Variants in RPL6 observed in about 807,000 individuals in gnomAD.
RPL6 encodes ribosomal protein L6, also known as large ribosomal subunit protein eL6.
Under a neutral mutation model 32.1 loss-of-function variants are expected in RPL6, and 1 was observed. The observed-to-expected ratio is 0.03, with a 90% CI of 0.01 to 0.15. The LOEUF (loss-of-function observed/expected upper bound fraction) is 0.15, where lower values mean the gene tolerates loss of function less well. Ranked by LOEUF, RPL6 falls within the 10% of genes least tolerant of loss-of-function variation. The pLI is 1.00. For synonymous variants in RPL6, 126 were observed against 131.6 expected (o/e 0.96, Z 0.29); for missense variants, 275 against 354.6 (o/e 0.78, Z 1.80).
chr12:112,408,673 G>C lies in RPL6; in HGVS notation c.1-17C>G. ...ACCCGCCATCTAAAAATATTTTTTT[G>C]TAGATAAAAAAAGGCATTTCACCAG... On this transcript the variant is annotated splice_polypyrimidine_tract_variant and intron_variant, in intron 1 of 6. Coordinates refer to ENST00000202773, the MANE Select transcript of RPL6 (RefSeq NM_000970.6). 8 of 1,554,102 alleles carry C rather than the reference G, an allele frequency of 5.1e-6. No individual in the cohort carries two copies. The highest frequency in any genetic ancestry group is 2.2e-5 in the East Asian group (1 of 44,694).
Position 112,406,002 on chromosome 12 carries a change from T to C in RPL6, c.565A>G (p.Thr189Ala). The part of the protein sequence containing the change: ...LVLNRVPLRR[T>A]HQKFVIATST... ...GTGGCAATGACAAATTTCTGGTGTG[T>C]TCTTCGTAGAGGAACTCGATTGAGG... is the stretch of plus-strand genomic sequence containing the variant. The change falls in exon 6 of 7, where the codon ACA (threonine) becomes GCA (alanine). Residue 189 changes from threonine (T) to alanine (A), a missense_variant. By Grantham distance (58) the Thr-to-Ala change is moderately conservative. Coordinates refer to ENST00000202773, the MANE Select transcript of RPL6 (RefSeq NM_000970.6). The C allele has an allele frequency of 6.2e-7, 1 of 1,614,046 alleles. No homozygotes were observed.
chr12:112,413,687 C>T (rs1232611043), upstream of RPL6, among the ~76,000 whole-genome samples: 1 of 151,608 alleles, frequency 6.6e-6, no homozygotes, highest in East Asian at 1.9e-4. Context: ...CTACCATGCC[C>T]GGCCATATAA....
chr12:112,415,481 G>A (rs1030429506), intron 1 of RPL6, among the ~76,000 whole-genome samples: 8 of 152,146 alleles, frequency 5.3e-5, no homozygotes, highest in African/African-American at 1.9e-4. Flanking sequence ...GGGAGGCTGA[G>A]GTGGGTGGAT....
upstream of RPL6, among the ~76,000 whole-genome samples, chr12:112,415,187 G>C (rs2037390724): frequency 6.6e-6 from 1 of 152,210 alleles, no homozygotes; most frequent in South Asian, 2.1e-4. Context: ...ATGGCATATT[G>C]AGGGGAGCTG....
upstream of RPL6, among the ~76,000 whole-genome samples, chr12:112,411,892 T>G (rs527814217): frequency 4.4e-4 from 67 of 152,186 alleles, 1 homozygote; most frequent in South Asian, 0.013. Flanking sequence ...TTTTTTTTTT[T>G]TTTCTGAGAT....
chr12:112,409,056 T>C (rs760409983), intron 1 of RPL6: 10 of 237,838 alleles, frequency 4.2e-5, no homozygotes, highest in Non-Finnish European at 7.2e-5. Flanking sequence ...GTACCTTTCG[T>C]CTTAACCCTT....
intron 1 of RPL6, chr12:112,418,601 A>T (rs116434828): frequency 4.1e-6 from 1 of 246,830 alleles, no homozygotes; most frequent in African/African-American, 2.2e-5. Flanking sequence ...CGGAGACAGT[A>T]GGTAATTTCC....
intron 3 of RPL6, 149 bp downstream of exon 3, chr12:112,408,091 T>C: frequency 1.6e-6 from 1 of 626,142 alleles, no homozygotes; most frequent in South Asian, 2.0e-5. Flanking sequence ...TAACAGTAAA[T>C]GTTGAAGCCA....
At position 112,408,258 on chromosome 12, in the gene RPL6, C is replaced by T. The variant is rs1401465027; in HGVS notation, c.318G>A (p.Val106=). The T allele has an allele frequency of 6.2e-7, 1 of 1,613,862 alleles. No homozygotes were observed. Among genetic ancestry groups the T allele is most frequent in the Non-Finnish European group, 8.5e-7 (1 of 1,179,902 alleles). ...VGGDKNGGTR[V]VKLRKMPRYY... is the part of the protein sequence containing the mutation. ...ATCTTACCATTTTGCGAAGTTTAAC[C>T]ACCCGGGTACCGCCGTTCTTGTCAC... The change falls in exon 3 of 7, where the codon GTG becomes GTA. Residue 106 remains valine, a synonymous_variant. Transcript: ENST00000202773.
At position 112,408,270 on chromosome 12, in the gene RPL6, G is replaced by T. The variant is rs775126537; in HGVS notation, c.306C>A (p.Gly102=). 6.2e-7 allele frequency: 1 copy of T among 1,613,978 alleles called. No homozygotes were observed. Among genetic ancestry groups the T allele is most frequent in the African/African-American group, 1.3e-5 (1 of 74,900 alleles). The stretch of plus-strand genomic sequence containing the variant: ...TGCGAAGTTTAACCACCCGGGTACC[G>T]CCGTTCTTGTCACCACCAACTGGTT... ...VTKPVGGDKN[G]GTRVVKLRKM... is the part of the protein sequence containing the mutation. The change falls in exon 3 of 7, where the codon GGC becomes GGA. Residue 102 remains glycine (G), a synonymous_variant. Transcript: ENST00000202773.
rs779428137 is a variant in RPL6, at chr12:112,408,402, G to A, written c.237+18C>T. The stretch of plus-strand genomic sequence containing the variant: ...AATTAAGGTTAAGACATAATGGTCC[G>A]TGGTCCTCTTCCCTTACCTTGGATT... On this transcript the variant is annotated intron_variant, in intron 2 of 6. Coordinates refer to ENST00000202773, the MANE Select transcript of RPL6 (RefSeq NM_000970.6). 2 of 1,613,446 alleles carry A rather than the reference G, an allele frequency of 1.2e-6. No individual in the cohort carries two copies. Among genetic ancestry groups the A allele is most frequent in the East Asian group, 4.5e-5 (2 of 44,880 alleles).
At chr12:112,407,327 G>C (rs1312590455) in intron 3 of RPL6, 1 of 159,840 alleles carries the variant, frequency 6.3e-6, no homozygotes, top group Non-Finnish European at 1.4e-5. Flanking sequence ...AAAACAAATT[G>C]CATAAAGCCA....
chr12:112,414,506 A>G (rs1449012559), upstream of RPL6, among the ~76,000 whole-genome samples: 1 of 152,208 alleles, frequency 6.6e-6, no homozygotes, highest in Admixed American at 6.5e-5. Flanking sequence ...AGTATTTCAC[A>G]AACCTATCCT....
In RPL6 at chr12:112,405,959, A is replaced by G. The variant is rs1437220099; in HGVS notation, c.608T>C (p.Ile203Thr). The G allele has an allele frequency of 1.9e-6, 3 of 1,614,110 alleles. No individual in the cohort carries two copies. Among genetic ancestry groups the G allele is most frequent in the Admixed American group, 1.7e-5 (1 of 60,004 alleles). The part of the protein sequence containing the change: ...FVIATSTKID[I>T]SNVKIPKHLT... Reference sequence around the variant, plus strand: ...ATGTTTTGGGATTTTTACATTGCTGATATCGATTTTGGTTGAAGTGGCAAT... The same window carrying G: ...ATGTTTTGGGATTTTTACATTGCTGGTATCGATTTTGGTTGAAGTGGCAAT... Residue 203 changes from isoleucine (I) to threonine (T), a missense_variant, in exon 6 of 7, where the codon ATC becomes ACC. Transcript: ENST00000202773.
Sources: gnomAD v4.1 joint callset for allele counts (sites outside exome capture counted in the v4.1 genomes callset) on GRCh38, gnomAD v4.1.1 for gene constraint, MANE v1.5 for transcripts, NCBI Gene and HGNC (gene_info 2026-07-23, HGNC 2026-07-21) for gene names.